SUGCT: variants seen among roughly 807,000 people sequenced by gnomAD.
SUGCT encodes succinyl-CoA:glutarate-CoA transferase, also known as succinyl-CoA:glutarate CoA-transferase.
In SUGCT, 41 loss-of-function variants were observed where a neutral mutation model predicts 55.0. The ratio of observed to expected loss-of-function variants is 0.74; its 90% CI spans 0.58 to 0.97. SUGCT has a LOEUF of 0.97. SUGCT is among the 50% of genes least tolerant of loss of function. The probability of loss-of-function intolerance (pLI) is 0.00; values close to 1 mark genes in which losing one functional copy is unlikely to be tolerated. For synonymous variants in SUGCT, 187 were observed against 200.4 expected, an observed-to-expected ratio of 0.93 and a Z score of 0.56; for missense variants, 568 against 547.8, an observed-to-expected ratio of 1.04 and a Z score of -0.37.
At chr7:40,909,974 C>T in the SUGCT span, among the ~76,000 whole-genome samples, 1 of 152,128 alleles carries the variant, frequency 6.6e-6, no homozygotes, top group Non-Finnish European at 1.5e-5. Context: ...GTTCAACAGG[C>T]TAATTCACTT....
At chr7:40,620,133 G>T (rs1193416376) in intron 12 of SUGCT, among the ~76,000 whole-genome samples, 3 of 152,176 alleles carry the variant, frequency 2.0e-5, no homozygotes, top group African/African-American at 7.2e-5. Flanking sequence ...GCCACGGTGT[G>T]CATGATGTCA....
chr7:41,026,982 A>C, the SUGCT span, among the ~76,000 whole-genome samples: 1 of 152,234 alleles, frequency 6.6e-6, no homozygotes, highest in East Asian at 1.9e-4. Flanking sequence ...CAGTGAGCCG[A>C]GATCATGCCA....
At chr7:40,975,705 T>C in the SUGCT span, among the ~76,000 whole-genome samples, 1 of 152,186 alleles carries the variant, frequency 6.6e-6, no homozygotes, top group East Asian at 1.9e-4. Context: ...CCCACAGGGT[T>C]CTACCTATAT....
chr7:40,910,441 C>T, the SUGCT span, among the ~76,000 whole-genome samples: 2 of 152,042 alleles, frequency 1.3e-5, no homozygotes, highest in Admixed American at 1.3e-4. Flanking sequence ...CAAGGCCTGC[C>T]TGTAAAAATA....
chr7:40,172,981 AT>A (rs1395237004), intron 1 of SUGCT, among the ~76,000 whole-genome samples: 1 of 152,226 alleles, frequency 6.6e-6, no homozygotes, highest in African/African-American at 2.4e-5. Context: ...GCTTTGGAGA[AT>A]CCCCAGACGA....
At chr7:40,695,636 A>G (rs1253097595) in intron 12 of SUGCT, among the ~76,000 whole-genome samples, 1 of 152,230 alleles carries the variant, frequency 6.6e-6, no homozygotes, top group African/African-American at 2.4e-5. Context: ...AGCAAATATT[A>G]CTGAGAGCTA....
At chr7:40,297,510 G>T (rs4302752) in intron 8 of SUGCT, among the ~76,000 whole-genome samples, 6,242 of 152,144 alleles carry the variant, frequency 0.041, 422 homozygotes, top group African/African-American at 0.14. Context: ...AGACCTCTTT[G>T]GTAGTGAGCT....
At chr7:40,421,284 C>T (rs1214954021) in intron 9 of SUGCT, among the ~76,000 whole-genome samples, 1 of 152,092 alleles carries the variant, frequency 6.6e-6, no homozygotes, top group Non-Finnish European at 1.5e-5. Flanking sequence ...ATCTAGTTTT[C>T]CAAGTCTCCA....
At chr7:41,029,396 C>T in the SUGCT span, among the ~76,000 whole-genome samples, 1 of 152,134 alleles carries the variant, frequency 6.6e-6, no homozygotes, top group Non-Finnish European at 1.5e-5. Context: ...CTGGAACCTC[C>T]TGAGTCAGCA....
intron 1 of SUGCT, among the ~76,000 whole-genome samples, chr7:40,178,070 T>G (rs930071846): frequency 6.6e-6 from 1 of 152,086 alleles, no homozygotes; most frequent in African/African-American, 2.4e-5. Context: ...TTTTAATAGT[T>G]TGTTTGAATC....
intron 7 of SUGCT, among the ~76,000 whole-genome samples, chr7:40,245,209 C>T (rs1489596237): frequency 6.6e-6 from 1 of 150,554 alleles, no homozygotes; most frequent in Non-Finnish European, 1.5e-5. Context: ...CACCTGCCAC[C>T]ATGCCCGGCT....
At chr7:40,171,437 T>C (rs1159814017) in intron 1 of SUGCT, among the ~76,000 whole-genome samples, 1 of 152,242 alleles carries the variant, frequency 6.6e-6, no homozygotes, top group Non-Finnish European at 1.5e-5. Flanking sequence ...CTTCTTGTCC[T>C]GAATGGAGTT....
At chr7:40,608,753 A>G (rs757785957) in intron 12 of SUGCT, among the ~76,000 whole-genome samples, 58 of 152,202 alleles carry the variant, frequency 3.8e-4, no homozygotes, top group Non-Finnish European at 1.2e-4. Flanking sequence ...ATTCACAAAT[A>G]AGCTTACAAA....
chr7:40,822,189 TG>T (rs140137796), intron 13 of SUGCT, among the ~76,000 whole-genome samples: 12,929 of 152,264 alleles, frequency 0.085, 657 homozygotes, highest in Middle Eastern at 0.17. Context: ...TCCGACTATG[TG>T]GTCAATTTTG....
chr7:40,802,693 C>A (rs1203574), intron 13 of SUGCT, among the ~76,000 whole-genome samples: 9 of 152,170 alleles, frequency 5.9e-5, no homozygotes, highest in Admixed American at 3.3e-4. Flanking sequence ...TTTAACTTAC[C>A]CAACCTAAAA....
intron 7 of SUGCT, among the ~76,000 whole-genome samples, chr7:40,264,447 T>C (rs1791425998): frequency 6.6e-6 from 1 of 151,962 alleles, no homozygotes; most frequent in Non-Finnish European, 1.5e-5. Flanking sequence ...TCAAGTAGAG[T>C]GTGTGTTTGG....
chr7:40,585,291 G>C (rs761630671), intron 12 of SUGCT, among the ~76,000 whole-genome samples: 1 of 152,224 alleles, frequency 6.6e-6, no homozygotes, highest in Non-Finnish European at 1.5e-5. Flanking sequence ...ATTGATTCAT[G>C]AGACATATAG....
intron 13 of SUGCT, among the ~76,000 whole-genome samples, chr7:40,761,443 C>T (rs1788529048): frequency 6.6e-6 from 1 of 152,190 alleles, no homozygotes. Context: ...TAGAGCACAG[C>T]ATTTCCTAAA....
At chr7:40,436,003 G>A (rs1448768829) in intron 9 of SUGCT, among the ~76,000 whole-genome samples, 8 of 148,438 alleles carry the variant, frequency 5.4e-5, no homozygotes, top group African/African-American at 1.7e-4. Flanking sequence ...GAGTACAGTG[G>A]CACAATCTCA....
Sources: gnomAD v4.1 joint callset for allele counts (sites outside exome capture counted in the v4.1 genomes callset) on GRCh38, gnomAD v4.1.1 for gene constraint, MANE v1.5 for transcripts, NCBI Gene and HGNC (gene_info 2026-07-23, HGNC 2026-07-21) for gene names.